TENM4: variants seen among roughly 807,000 people sequenced by gnomAD.
The protein encoded by TENM4 is teneurin-4.
TENM4 carries 82 observed loss-of-function variants against 243.3 expected under a neutral mutation model. The ratio of observed to expected loss-of-function variants is 0.34; its 90% CI spans 0.28 to 0.40. The LOEUF is 0.40. Among genes scored for constraint, TENM4 ranks in the 10% least tolerant of loss-of-function variants. The pLI is 1.00. For missense variants in TENM4, 3,138 were observed against 3,673.3 expected (o/e 0.85, Z 3.77); for synonymous variants, 1,412 against 1,456.3 (o/e 0.97, Z 0.69).
intron 4 of TENM4, among the ~76,000 whole-genome samples, chr11:79,133,750 T>A (rs1230664707): frequency 6.6e-6 from 1 of 152,110 alleles, no homozygotes; most frequent in Non-Finnish European, 1.5e-5. Context: ...AAAAATCACA[T>A]GATCATTTCA....
chr11:79,293,207 A>G (rs1010066152), intron 2 of TENM4, among the ~76,000 whole-genome samples: 4 of 152,216 alleles, frequency 2.6e-5, no homozygotes, highest in African/African-American at 9.6e-5. Flanking sequence ...TTACCACTGA[A>G]TAATTATGAA....
At chr11:79,044,912 TG>T (rs1357565072) in intron 6 of TENM4, among the ~76,000 whole-genome samples, 1 of 152,180 alleles carries the variant, frequency 6.6e-6, no homozygotes, top group East Asian at 1.9e-4. Flanking sequence ...TGCCCTGGGT[TG>T]TTTTTTTAAA....
intron 1 of TENM4, among the ~76,000 whole-genome samples, chr11:79,334,223 C>T (rs1009603538): frequency 1.3e-5 from 2 of 152,218 alleles, no homozygotes; most frequent in African/African-American, 4.8e-5. Context: ...GAATGCCTTA[C>T]AGTGTCGCAT....
At chr11:78,960,660 C>A (rs557207017) in intron 6 of TENM4, among the ~76,000 whole-genome samples, 1 of 152,184 alleles carries the variant, frequency 6.6e-6, no homozygotes, top group African/African-American at 2.4e-5. Context: ...TTCTTCAAGT[C>A]CTGTAAGTGC....
chr11:79,166,578 T>C (rs1235562863), intron 3 of TENM4, among the ~76,000 whole-genome samples: 1 of 152,206 alleles, frequency 6.6e-6, no homozygotes, highest in Non-Finnish European at 1.5e-5. Context: ...CTTATTACCT[T>C]ATTTAATCTT....
intron 7 of TENM4, among the ~76,000 whole-genome samples, chr11:78,891,788 G>A (rs2136298031): frequency 6.6e-6 from 1 of 152,274 alleles, no homozygotes; most frequent in South Asian, 2.1e-4. Flanking sequence ...TCCAAAGCCT[G>A]TGCTCTCTCT....
At chr11:79,256,421 G>T (rs1354712480) in intron 2 of TENM4, among the ~76,000 whole-genome samples, 1 of 152,150 alleles carries the variant, frequency 6.6e-6, no homozygotes, top group Non-Finnish European at 1.5e-5. Flanking sequence ...CTGAAAGAGG[G>T]TAACTGCTTT....
In TENM4 at chr11:79,171,721, G is replaced by A. The variant is rs184421410; in HGVS notation, c.-162-22915C>T. Among the ~76,000 whole-genome samples the A allele has an allele frequency of 3.9e-5, 6 of 152,322 alleles. No individual in the cohort carries two copies. In the East Asian group the frequency reaches 1.2e-3, roughly 29 times the overall value. ...TCTTATCCATTTATTGCTTGCTGTA[G>A]AACGTAGCCTAAAATAATTGTGTAA... On this transcript the variant is annotated intron_variant, in intron 3 of 33. Coordinates refer to ENST00000278550, the MANE Select transcript of TENM4 (RefSeq NM_001098816.3).
chr11:78,963,201 T>C (rs773117952), intron 6 of TENM4, among the ~76,000 whole-genome samples: 9 of 152,200 alleles, frequency 5.9e-5, no homozygotes, highest in Non-Finnish European at 1.2e-4. Flanking sequence ...TTCCAAGATG[T>C]TGTAAATCAG....
chr11:79,327,532 G>A (rs1856993396), intron 1 of TENM4, among the ~76,000 whole-genome samples: 1 of 151,864 alleles, frequency 6.6e-6, no homozygotes, highest in Non-Finnish European at 1.5e-5. Flanking sequence ...ATGCAACACA[G>A]TGACTTAAGT....
chr11:79,242,617 T>C (rs1261770750), intron 2 of TENM4, among the ~76,000 whole-genome samples: 1 of 152,206 alleles, frequency 6.6e-6, no homozygotes, highest in Non-Finnish European at 1.5e-5. Flanking sequence ...TTAAAAGCTC[T>C]ATAAACATCA....
intron 1 of TENM4, among the ~76,000 whole-genome samples, chr11:79,312,509 G>C (rs1157297149): frequency 1.3e-5 from 2 of 152,142 alleles, no homozygotes; most frequent in African/African-American, 2.4e-5. Context: ...CCATTCTTCA[G>C]ATGAAGAAGT....
At chr11:79,379,042 G>A (rs17829269) in intron 1 of TENM4, among the ~76,000 whole-genome samples, 6 of 152,188 alleles carry the variant, frequency 3.9e-5, no homozygotes, top group Admixed American at 3.9e-4. Context: ...GTGCTTGTAG[G>A]GGTAAGAAAA....
chr11:78,983,207 C>T (rs1857841364), intron 6 of TENM4, among the ~76,000 whole-genome samples: 1 of 152,320 alleles, frequency 6.6e-6, no homozygotes, highest in Non-Finnish European at 1.5e-5. Context: ...TTCATGCATT[C>T]ACTCACTCAT....
At chr11:78,926,670 G>GTTTTTTTTTTTTTTT (rs965745140) in intron 6 of TENM4, among the ~76,000 whole-genome samples, 1 of 133,200 alleles carries the variant, frequency 7.5e-6, no homozygotes, top group African/African-American at 3.2e-5. Context: ...AAATAAAGGT[G>GTTTTTTTTTTTTTTT]TTTTTTGTTT....
At chr11:79,277,761 A>C (rs1371839195) in intron 2 of TENM4, among the ~76,000 whole-genome samples, 1 of 152,148 alleles carries the variant, frequency 6.6e-6, no homozygotes, top group Non-Finnish European at 1.5e-5. Context: ...GGGTGCAGAC[A>C]GAGAAACCCC....
intron 6 of TENM4, among the ~76,000 whole-genome samples, chr11:78,926,206 A>C (rs944251097): frequency 3.3e-5 from 5 of 152,036 alleles, no homozygotes; most frequent in African/African-American, 4.8e-5. Context: ...AAACAGGTAG[A>C]AGAGATTAGA....
chr11:79,048,026 C>T (rs970657987), intron 6 of TENM4, among the ~76,000 whole-genome samples: 43 of 152,092 alleles, frequency 2.8e-4, no homozygotes, highest in African/African-American at 8.2e-4. Context: ...TCACTGAAGG[C>T]TCTTGAAGCC....
intron 4 of TENM4, among the ~76,000 whole-genome samples, chr11:79,132,238 CA>C (rs1384451349): frequency 6.8e-6 from 1 of 147,814 alleles, no homozygotes; most frequent in Non-Finnish European, 1.5e-5. Flanking sequence ...CCCAGCTACT[CA>C]GGAGGCTGAG....
Sources: gnomAD v4.1 joint callset for allele counts (sites outside exome capture counted in the v4.1 genomes callset) on GRCh38, gnomAD v4.1.1 for gene constraint, MANE v1.5 for transcripts, NCBI Gene and HGNC (gene_info 2026-07-23, HGNC 2026-07-21) for gene names.